ATP9A: variants seen among roughly 807,000 people sequenced by gnomAD.
ATP9A encodes the protein probable phospholipid-transporting ATPase IIA.
In ATP9A, 52 loss-of-function variants were observed where a neutral mutation model predicts 144.1. The ratio of observed to expected loss-of-function variants is 0.36; its 90% CI spans 0.29 to 0.45. ATP9A has a LOEUF of 0.45. Ranked by LOEUF, ATP9A falls within the 20% of genes least tolerant of loss-of-function variation. The pLI is 1.00. For missense variants in ATP9A, 947 were observed against 1,392.7 expected (o/e 0.68, Z 5.09); for synonymous variants, 582 against 557.4 (o/e 1.04, Z -0.62).
intron 1 of ATP9A, among the ~76,000 whole-genome samples, chr20:51,764,388 A>T (rs2077894923): frequency 6.6e-6 from 1 of 152,220 alleles, no homozygotes; most frequent in Non-Finnish European, 1.5e-5. Flanking sequence ...TTGTTTCCTA[A>T]CTACACCATT....
intron 14 of ATP9A, among the ~76,000 whole-genome samples, chr20:51,648,178 T>G (rs957602692): frequency 5.3e-5 from 8 of 152,114 alleles, no homozygotes; most frequent in South Asian, 2.1e-4. Flanking sequence ...TACCCAGGCA[T>G]GGAGGGGAAC....
chr20:51,632,987 G>A (rs966246506), intron 15 of ATP9A, among the ~76,000 whole-genome samples: 4 of 152,102 alleles, frequency 2.6e-5, no homozygotes, highest in Non-Finnish European at 4.4e-5. Context: ...AGCCAGGCGT[G>A]GTGGCAGGTG....
chr20:51,608,498 G>T lies in ATP9A; in HGVS notation c.2745+20C>A. ...GCAAAGGAGGAAAGGAGGAAGGAGG[G>T]ACTGAAAAGCTAACAGAACCTTGAG... On this transcript the variant is annotated intron_variant, in intron 25 of 27. Coordinates refer to ENST00000338821, the MANE Select transcript of ATP9A (RefSeq NM_006045.3). 4 of 1,462,846 alleles carry T rather than the reference G, an allele frequency of 2.7e-6. No homozygotes were observed. Among genetic ancestry groups the T allele is most frequent in the Non-Finnish European group, 3.8e-6 (4 of 1,042,182 alleles). The allele number at this position is 1,462,846 out of a possible 1,614,324, so 90.6% of individuals were successfully genotyped here. A position where few individuals can be genotyped will look rare whatever the true frequency, so the allele number is the denominator to read the frequency against.
intron 14 of ATP9A, among the ~76,000 whole-genome samples, 178 bp from the exon 15 acceptor site, chr20:51,639,682 A>G (rs1049464478): frequency 6.6e-6 from 1 of 152,186 alleles, no homozygotes; most frequent in Admixed American, 6.5e-5. Context: ...CTCTGGGTCT[A>G]TGAGGGCTCC....
chr20:51,725,057 G>GT (rs1193772073), intron 3 of ATP9A, among the ~76,000 whole-genome samples: 1 of 152,018 alleles, frequency 6.6e-6, no homozygotes, highest in Non-Finnish European at 1.5e-5. Flanking sequence ...TGAGCATTTC[G>GT]TTTGAGTCCC....
intron 9 of ATP9A, among the ~76,000 whole-genome samples, chr20:51,683,718 G>A (rs57790927): frequency 2.0e-5 from 3 of 152,042 alleles, no homozygotes; most frequent in Non-Finnish European, 2.9e-5. Flanking sequence ...ACCCAGCCTC[G>A]TTTTACACTT....
intron 9 of ATP9A, among the ~76,000 whole-genome samples, chr20:51,680,021 G>C (rs1442892656): frequency 1.3e-5 from 2 of 152,074 alleles, no homozygotes; most frequent in African/African-American, 4.8e-5. Context: ...CTTGAGGTCA[G>C]AAGTTCGAGA....
chr20:51,668,175 A>AG (rs2077441627), intron 13 of ATP9A, among the ~76,000 whole-genome samples: 2 of 34,968 alleles, frequency 5.7e-5, no homozygotes, highest in South Asian at 1.4e-3. Flanking sequence ...GAAAGGGAGA[A>AG]GGAAAAAAAA....
intron 2 of ATP9A, 71 bp from the exon 3 acceptor site, chr20:51,726,003 A>C: frequency 1.0e-6 from 1 of 966,534 alleles, no homozygotes; most frequent in South Asian, 1.4e-5. Context: ...ATTTGGTGGG[A>C]AATGAATAAC....
rs1365813838 is a variant in ATP9A at position 51,664,080 on chromosome 20, T to A, written c.1293+5917A>T. 3.3e-5 allele frequency among the ~76,000 whole-genome samples: 5 copies of A among 151,942 alleles called. No individual in the cohort carries two copies. The East Asian group carries it at 7.9e-4, about 24-fold the overall frequency. The stretch of plus-strand genomic sequence containing the variant: ...ATCCAGGCTGGGTGCAGTGGCATGA[T>A]CTCAGCTCACTGCAACCTCTACCTC... On this transcript the variant is annotated intron_variant, in intron 13 of 27. Transcript: ENST00000338821.
chr20:51,766,939 T>C (rs2077906661), intron 1 of ATP9A, among the ~76,000 whole-genome samples: 1 of 152,062 alleles, frequency 6.6e-6, no homozygotes, highest in Non-Finnish European at 1.5e-5. Context: ...AATCTCCATT[T>C]TGCAGTCTTC....
chr20:51,637,387 G>A (rs758655012), intron 15 of ATP9A, among the ~76,000 whole-genome samples: 12 of 147,298 alleles, frequency 8.1e-5, no homozygotes, highest in Admixed American at 2.1e-4. Flanking sequence ...TGAGTCTACC[G>A]TGTGCCAGGC....
chr20:51,697,776 GA>G (rs2077576907), intron 4 of ATP9A, among the ~76,000 whole-genome samples: 3 of 152,194 alleles, frequency 2.0e-5, no homozygotes, highest in East Asian at 1.9e-4. Flanking sequence ...GTAGTGGGGG[GA>G]AAAAAGTCTT....
chr20:51,625,126 C>T, intron 18 of ATP9A, 66 bp downstream of exon 18: 2 of 1,509,066 alleles, frequency 1.3e-6, no homozygotes, highest in South Asian at 2.5e-5. Context: ...CTGTGATCTC[C>T]CTGCACTGCT....
intron 3 of ATP9A, among the ~76,000 whole-genome samples, chr20:51,723,563 C>CTTTTTT (rs753282602): frequency 1.5e-5 from 2 of 133,242 alleles, no homozygotes; most frequent in Non-Finnish European, 3.2e-5. Context: ...ACAGCAAATT[C>CTTTTTT]TTTTTTTTTT....
At chr20:51,752,823 C>T (rs1463873099) in intron 1 of ATP9A, among the ~76,000 whole-genome samples, 1 of 152,182 alleles carries the variant, frequency 6.6e-6, no homozygotes, top group African/African-American at 2.4e-5. Flanking sequence ...TTACCTGTGG[C>T]CGGGTACAGT....
chr20:51,647,432 T>A (rs1360216202), intron 14 of ATP9A, among the ~76,000 whole-genome samples: 1 of 151,804 alleles, frequency 6.6e-6, no homozygotes, highest in African/African-American at 2.4e-5. Context: ...ACACCTGTAA[T>A]CCCAGCTACT....
At chr20:51,756,033 C>T (rs772110268) in intron 1 of ATP9A, among the ~76,000 whole-genome samples, 16 of 152,094 alleles carry the variant, frequency 1.1e-4, no homozygotes, top group Non-Finnish European at 8.8e-5. Context: ...CTAAGAGATA[C>T]TGCACATGCC....
intron 1 of ATP9A, among the ~76,000 whole-genome samples, chr20:51,756,845 T>C (rs1437184525): frequency 1.3e-5 from 2 of 152,098 alleles, no homozygotes; most frequent in East Asian, 1.9e-4. Flanking sequence ...GCTGACCTCA[T>C]AGCAAGAACA....
Sources: gnomAD v4.1 joint callset for allele counts (sites outside exome capture counted in the v4.1 genomes callset) on GRCh38, gnomAD v4.1.1 for gene constraint, MANE v1.5 for transcripts, NCBI Gene and HGNC (gene_info 2026-07-23, HGNC 2026-07-21) for gene names.